IFI27L2: variants seen among roughly 807,000 people sequenced by gnomAD.
IFI27L2 encodes the protein interferon alpha-inducible protein 27-like protein 2.
In IFI27L2, 8 loss-of-function variants were observed where a neutral mutation model predicts 7.9. The observed-to-expected ratio is 1.02, with a 90% CI of 0.60 to 1.84. The LOEUF is 1.84. Ranked by LOEUF, IFI27L2 falls within the 40% of genes most tolerant of loss-of-function variation. The pLI is 0.00. For synonymous variants in IFI27L2, 56 were observed against 66.5 expected, an observed-to-expected ratio of 0.84 and a Z score of 0.77; for missense variants, 190 against 165.8, an observed-to-expected ratio of 1.15 and a Z score of -0.80.
At chr14:94,129,234 C>T (rs12590929) in intron 2 of IFI27L2, 28 bp downstream of exon 2, 1 of 1,603,572 alleles carries the variant, frequency 6.2e-7, no homozygotes, top group South Asian at 1.1e-5. Context: ...AGGTGAGGGC[C>T]TGGAGACAGG....
intron 3 of IFI27L2, 59 bp from the exon 4 acceptor site, chr14:94,128,051 G>A (rs543013857): frequency 9.4e-5 from 113 of 1,198,414 alleles, no homozygotes; most frequent in Admixed American, 4.5e-4. Context: ...AATCCCACCC[G>A]GATCCCTCCT....
rs144242035 is a variant in IFI27L2 at position 94,127,860 on chromosome 14, T to C, written c.332A>G (p.Glu111Gly). Residue 111 changes from glutamate to glycine, a missense_variant, in exon 4 of 4, where the codon GAA becomes GGA. Glu to Gly is a moderately conservative substitution (Grantham distance 98). Coordinates refer to ENST00000238609, the MANE Select transcript of IFI27L2 (RefSeq NM_032036.3). ...TGGAGGTTCACCTTGGGGTACATTTTCTCTTGCCTCATCTTCTTTAGCCTC... is the reference window on the plus strand; with the variant it reads ...TGGAGGTTCACCTTGGGGTACATTTCCTCTTGCCTCATCTTCTTTAGCCTC... ...EPEAKEDEAR[E>G]NVPQGEPPKP... 23 of 1,614,014 alleles carry C rather than the reference T, an allele frequency of 1.4e-5. No homozygotes were observed. Among genetic ancestry groups the C allele is most frequent in the Non-Finnish European group, 1.9e-5 (23 of 1,179,996 alleles).
In IFI27L2 at chr14:94,129,285, GC is replaced by G. The variant is rs1460508167; in HGVS notation, c.13del (p.Ala5GlnfsTer34). 4 of 1,612,524 alleles carry G rather than the reference GC, an allele frequency of 2.5e-6. No homozygotes were observed. In the African/African-American group the frequency reaches 4.0e-5, roughly 16 times the overall value. On this transcript the variant is annotated frameshift_variant, in exon 2 of 4. Transcript: ENST00000238609. LOFTEE classifies it high-confidence loss of function. MMKR[A>X]AAAAVGGALA... Reference sequence around the variant, plus strand: ...ACCTCCTCCCACTGCAGCAGCAGCTGCCCGTTCTAGAGAGAGAGTGCCAGGG... The same window carrying G: ...ACCTCCTCCCACTGCAGCAGCAGCTGCCGTTCTAGAGAGAGAGTGCCAGGG...
chr14:94,128,729 C>A (rs1228711479), intron 2 of IFI27L2, 54 bp from the exon 3 acceptor site: 2 of 1,414,390 alleles, frequency 1.4e-6, no homozygotes, highest in African/African-American at 2.9e-5. Flanking sequence ...AGGGACCCTT[C>A]CCCCCGCCCC....
At chr14:94,129,414 G>A (rs1021141448) in intron 1 of IFI27L2, 123 bp from the exon 2 acceptor site, 49 of 1,011,068 alleles carry the variant, frequency 4.8e-5, no homozygotes, top group Middle Eastern at 2.1e-4. Flanking sequence ...GGAAGGGGAG[G>A]GAGGAAGGGA....
At chr14:94,128,014 A>G in intron 3 of IFI27L2, 22 bp from the exon 4 acceptor site, 1 of 1,570,090 alleles carries the variant, frequency 6.4e-7, no homozygotes, top group East Asian at 2.2e-5. Context: ...ACAGAGAATG[A>G]GCACAGGGGT....
At chr14:94,128,770 G>A in intron 2 of IFI27L2, 95 bp from the exon 3 acceptor site, 4 of 1,066,454 alleles carry the variant, frequency 3.8e-6, no homozygotes, top group South Asian at 1.5e-5. Context: ...AGTTTCCGGA[G>A]ACTGTCAGCT....
At chr14:94,129,113 T>G in intron 2 of IFI27L2, 149 bp downstream of exon 2, 1 of 641,180 alleles carries the variant, frequency 1.6e-6, no homozygotes, top group Non-Finnish European at 2.8e-6. Context: ...TTCCCTGGAG[T>G]ATTTTGATGC....
intron 2 of IFI27L2, chr14:94,128,947 GT>G: frequency 5.4e-6 from 1 of 185,350 alleles, no homozygotes; most frequent in Non-Finnish European, 1.1e-5. Context: ...TCTCAAATTT[GT>G]GTGTGTGTGT....
rs149519278 is a variant in IFI27L2, at chr14:94,128,843, A to G, written c.38-168T>C. On this transcript the variant is annotated intron_variant, in intron 2 of 3. Transcript: ENST00000238609. ...TGAAGAAAAGGTGGAGTGTGGAGCC[A>G]GGTGAAGCAAAGATGTCATAGAAGG... is the stretch of plus-strand genomic sequence containing the variant. The G allele has an allele frequency of 6.5e-6, 4 of 619,506 alleles. No homozygotes were observed. The Admixed American group carries it at 1.2e-4, about 18-fold the overall frequency. 38.4% of individuals were successfully genotyped at this position (619,506 alleles called of 1,614,324 possible).
At chr14:94,128,475 T>A (rs1250779700) in intron 3 of IFI27L2, 39 bp downstream of exon 3, 1 of 1,600,986 alleles carries the variant, frequency 6.2e-7, no homozygotes. Flanking sequence ...CAGGGCTGGA[T>A]CTTCTCGCAG....
At chr14:94,128,034 G>T in intron 3 of IFI27L2, 42 bp from the exon 4 acceptor site, 1 of 1,432,124 alleles carries the variant, frequency 7.0e-7, no homozygotes, top group Non-Finnish European at 9.8e-7. Flanking sequence ...TCGGGCAGTG[G>T]CCCAGAAATC....
intron 3 of IFI27L2, 42 bp downstream of exon 3, chr14:94,128,472 G>A: frequency 6.3e-7 from 1 of 1,595,568 alleles, no homozygotes; most frequent in Non-Finnish European, 8.6e-7. Context: ...CCTCAGGGCT[G>A]GATCTTCTCG....
At chr14:94,128,741 C>G (rs1165892444) in intron 2 of IFI27L2, 66 bp from the exon 3 acceptor site, 8 of 1,375,632 alleles carry the variant, frequency 5.8e-6, no homozygotes, top group Non-Finnish European at 8.0e-6. Context: ...CCCCGCCCCC[C>G]GCTTAGGAAT....
chr14:94,128,889 G>T (rs1887633746), intron 2 of IFI27L2: 2 of 598,652 alleles, frequency 3.3e-6, no homozygotes, highest in Admixed American at 3.0e-5. Context: ...GCCCTGGTTT[G>T]TCTCTAACTT....
At chr14:94,129,163 A>AG in intron 2 of IFI27L2, 99 bp downstream of exon 2, 1 of 906,576 alleles carries the variant, frequency 1.1e-6, no homozygotes, top group Non-Finnish European at 1.8e-6. Flanking sequence ...TCGGAAGTGG[A>AG]GGGTGAGAGC....
chr14:94,127,881 G>A lies in IFI27L2; in HGVS notation c.311C>T (p.Ala104Val). Residue 104 changes from alanine (A) to valine (V), a missense_variant, in exon 4 of 4, where the codon GCT becomes GTT. Coordinates refer to ENST00000238609, the MANE Select transcript of IFI27L2 (RefSeq NM_032036.3). The part of the protein sequence containing the change: ...PSSSLPAEPE[A>V]KEDEARENVP... ...ATTTTCTCTTGCCTCATCTTCTTTA[G>A]CCTCGGGTTCAGCTGGGAGAGAAGA... 2.5e-6 allele frequency: 4 copies of A among 1,613,994 alleles called. No homozygotes were observed. The South Asian group carries it at 4.4e-5, about 18-fold the overall frequency.
chr14:94,128,735 G>GC (rs59761240), intron 2 of IFI27L2, 60 bp from the exon 3 acceptor site: 48,873 of 1,391,908 alleles, frequency 0.035, 1,194 homozygotes, highest in Middle Eastern at 0.093. Flanking sequence ...CCTTCCCCCC[G>GC]CCCCCCGCTT....
rs1004738859 is a variant in IFI27L2, at chr14:94,128,791, A to G, written c.38-116T>C. The G allele has an allele frequency of 1.0e-5, 8 of 803,358 alleles. No homozygotes were observed. The Admixed American group carries it at 2.2e-4, about 22-fold the overall frequency. The allele number at this position is 803,358 out of a possible 1,614,324, so 49.8% of individuals were successfully genotyped here. The stretch of plus-strand genomic sequence containing the variant: ...CGGAGACTGTCAGCTTGAGCAATAC[A>G]GAGATGGCAACTTAGTGGTCTTCTG... On this transcript the variant is annotated intron_variant, in intron 2 of 3. Coordinates refer to ENST00000238609, the MANE Select transcript of IFI27L2 (RefSeq NM_032036.3).
Sources: gnomAD v4.1 joint callset for allele counts on GRCh38, gnomAD v4.1.1 for gene constraint, MANE v1.5 for transcripts, NCBI Gene and HGNC (gene_info 2026-07-23, HGNC 2026-07-21) for gene names.